Variants in ANGPT1 observed in about 807,000 individuals in gnomAD.
ANGPT1 encodes the protein angiopoietin 1.
In ANGPT1, 17 loss-of-function variants were observed where a neutral mutation model predicts 62.2. That is an observed-to-expected ratio of 0.27 (90% CI 0.19 to 0.41). The LOEUF (loss-of-function observed/expected upper bound fraction) is 0.41. Ranked by LOEUF, ANGPT1 falls within the 10% of genes least tolerant of loss-of-function variation. The pLI, the probability that ANGPT1 is intolerant of heterozygous loss-of-function variation, is 1.00. For missense variants in ANGPT1, 478 were observed against 594.9 expected (o/e 0.80, Z 2.04); for synonymous variants, 199 against 198.9 (o/e 1.00, Z 0.00).
At chr8:107,428,896 G>GA (rs778858479) in intron 1 of ANGPT1, among the ~76,000 whole-genome samples, 2 of 152,132 alleles carry the variant, frequency 1.3e-5, no homozygotes, top group African/African-American at 4.8e-5. Context: ...CAGGTAAAAT[G>GA]AAAGAAAAGT....
rs549895399 is a variant in ANGPT1 at position 107,413,460 on chromosome 8, AG to A, written c.298-66364del. The stretch of plus-strand genomic sequence containing the variant: ...TGTTGGGACTGTAGTGAAGTGAGTG[AG>A]GTACTTGCCTCAGGCTCAAAATTTA... On this transcript the variant is annotated intron_variant, in intron 1 of 8. Coordinates refer to ENST00000517746, the MANE Select transcript of ANGPT1 (RefSeq NM_001146.5). Among the ~76,000 whole-genome samples the A allele has an allele frequency of 5.3e-5, 8 of 152,184 alleles. No homozygotes were observed. In the South Asian group the frequency reaches 1.7e-3, roughly 32 times the overall value.
At chr8:107,317,526 G>GT (rs1815043104) in intron 4 of ANGPT1, among the ~76,000 whole-genome samples, 1 of 151,274 alleles carries the variant, frequency 6.6e-6, no homozygotes, top group Admixed American at 6.6e-5. Flanking sequence ...TTTACATGCT[G>GT]TTAGTAATTA....
At chr8:107,294,342 T>C in intron 5 of ANGPT1, 1 of 188,568 alleles carries the variant, frequency 5.3e-6, no homozygotes, top group Non-Finnish European at 1.1e-5. Flanking sequence ...TAAATGAAAA[T>C]AAGCATTTGA....
chr8:107,366,024 C>T (rs139055221), intron 1 of ANGPT1, among the ~76,000 whole-genome samples: 57 of 152,276 alleles, frequency 3.7e-4, no homozygotes, highest in African/African-American at 1.3e-3. Context: ...TTCATTTGTA[C>T]AAAAAGGCTT....
chr8:107,426,191 G>T (rs978909840), intron 1 of ANGPT1, among the ~76,000 whole-genome samples: 1 of 152,076 alleles, frequency 6.6e-6, no homozygotes. Context: ...ACACAAAGGG[G>T]CCTGTGCGCG....
intron 3 of ANGPT1, among the ~76,000 whole-genome samples, chr8:107,323,807 C>T (rs1005000206): frequency 2.0e-5 from 3 of 151,982 alleles, no homozygotes; most frequent in East Asian, 1.9e-4. Flanking sequence ...CTTGCTCTGT[C>T]GCCCAGGCTG....
At chr8:107,367,586 G>A (rs1456976950) in intron 1 of ANGPT1, among the ~76,000 whole-genome samples, 1 of 152,036 alleles carries the variant, frequency 6.6e-6, no homozygotes, top group Non-Finnish European at 1.5e-5. Flanking sequence ...CTCACTCTGG[G>A]GAAAGTTATA....
intron 1 of ANGPT1, among the ~76,000 whole-genome samples, chr8:107,395,151 A>G (rs994893708): frequency 4.6e-5 from 7 of 152,146 alleles, no homozygotes; most frequent in South Asian, 2.1e-4. Context: ...TCTGTTTTTC[A>G]TTTATTCACC....
intron 1 of ANGPT1, among the ~76,000 whole-genome samples, chr8:107,481,912 GGATTAT>G (rs1812699733): frequency 6.6e-6 from 1 of 152,060 alleles, no homozygotes; most frequent in South Asian, 2.1e-4. Context: ...CAACACGTGG[GGATTAT>G]AGGAACTACA....
chr8:107,480,081 G>A (rs1281440732), intron 1 of ANGPT1, among the ~76,000 whole-genome samples: 1 of 152,030 alleles, frequency 6.6e-6, no homozygotes, highest in Non-Finnish European at 1.5e-5. Context: ...GCAGACCTCA[G>A]GTCTAATACA....
At chr8:107,386,072 A>T (rs376773236) in intron 1 of ANGPT1, among the ~76,000 whole-genome samples, 1 of 152,150 alleles carries the variant, frequency 6.6e-6, no homozygotes, top group African/African-American at 2.4e-5. Context: ...ATTAAAAAAA[A>T]ATCAGATCCT....
intron 2 of ANGPT1, among the ~76,000 whole-genome samples, chr8:107,340,440 T>TGA (rs1815670346): frequency 6.6e-6 from 1 of 152,304 alleles, no homozygotes; most frequent in Admixed American, 6.5e-5. Flanking sequence ...CAAGAGAAAG[T>TGA]GAGCTGGAAA....
chr8:107,461,534 C>G (rs2130477541), intron 1 of ANGPT1, among the ~76,000 whole-genome samples: 1 of 152,096 alleles, frequency 6.6e-6, no homozygotes, highest in South Asian at 2.1e-4. Flanking sequence ...ATTTTGTCAC[C>G]TAAAATAATA....
At chr8:107,496,049 C>T (rs566077286) in intron 1 of ANGPT1, among the ~76,000 whole-genome samples, 1 of 152,272 alleles carries the variant, frequency 6.6e-6, no homozygotes, top group African/African-American at 2.4e-5. Context: ...AGGCAATGAC[C>T]TAAGTGAGTG....
At chr8:107,340,338 C>CCCTTGCG (rs1815668106) in intron 2 of ANGPT1, among the ~76,000 whole-genome samples, 1 of 151,974 alleles carries the variant, frequency 6.6e-6, no homozygotes, top group Non-Finnish European at 1.5e-5. Flanking sequence ...GTAAGAGAGA[C>CCCTTGCG]ATAAAACCTG....
chr8:107,422,801 T>C (rs1349615615), intron 1 of ANGPT1, among the ~76,000 whole-genome samples: 1 of 152,194 alleles, frequency 6.6e-6, no homozygotes, highest in Non-Finnish European at 1.5e-5. Flanking sequence ...GTTTAGATGT[T>C]ACCTAAAAAT....
At chr8:107,369,862 T>C (rs1178724739) in intron 1 of ANGPT1, among the ~76,000 whole-genome samples, 1 of 152,058 alleles carries the variant, frequency 6.6e-6, no homozygotes, top group African/African-American at 2.4e-5. Context: ...CAAAGATCAC[T>C]GATGTGCCAA....
At chr8:107,417,941 A>G (rs1810795367) in intron 1 of ANGPT1, among the ~76,000 whole-genome samples, 1 of 152,178 alleles carries the variant, frequency 6.6e-6, no homozygotes, top group African/African-American at 2.4e-5. Flanking sequence ...AAAAATTACA[A>G]ATACACCTAG....
At chr8:107,372,632 G>A (rs1816439193) in intron 1 of ANGPT1, among the ~76,000 whole-genome samples, 1 of 151,928 alleles carries the variant, frequency 6.6e-6, no homozygotes, top group Non-Finnish European at 1.5e-5. Flanking sequence ...TTCTCGAAAT[G>A]TCTGCTCCTT....
Sources: gnomAD v4.1 joint callset for allele counts (sites outside exome capture counted in the v4.1 genomes callset) on GRCh38, gnomAD v4.1.1 for gene constraint, MANE v1.5 for transcripts, NCBI Gene and HGNC (gene_info 2026-07-23, HGNC 2026-07-21) for gene names.